Variants in GPC6 observed in about 807,000 individuals in gnomAD.
The protein encoded by GPC6 is glypican-6.
A neutral mutation model predicts 55.2 loss-of-function variants in GPC6; 14 were observed. That is an observed-to-expected ratio of 0.25 (90% CI 0.17 to 0.40). The LOEUF is 0.40. GPC6 is among the 10% of genes least tolerant of loss of function. The pLI, the probability that GPC6 is intolerant of heterozygous loss-of-function variation, is 1.00. For synonymous variants in GPC6, 278 were observed against 259.6 expected (o/e 1.07, Z -0.68); for missense variants, 641 against 708.5 (o/e 0.90, Z 1.08).
At chr13:93,629,043 AAAAAAC>A (rs1337580455) in intron 2 of GPC6, among the ~76,000 whole-genome samples, 1 of 118,332 alleles carries the variant, frequency 8.5e-6, no homozygotes, top group Non-Finnish European at 2.0e-5. Flanking sequence ...CCAGAAAAAA[AAAAAAC>A]AAAAAAAACT....
chr13:93,437,988 G>C (rs1178935372), intron 1 of GPC6, among the ~76,000 whole-genome samples: 1 of 152,032 alleles, frequency 6.6e-6, no homozygotes, highest in African/African-American at 2.4e-5. Context: ...AAAATCCTAG[G>C]GCCATTAAGA....
intron 2 of GPC6, among the ~76,000 whole-genome samples, chr13:93,684,711 T>C (rs1467701180): frequency 6.6e-6 from 1 of 152,138 alleles, no homozygotes; most frequent in Non-Finnish European, 1.5e-5. Context: ...CAGTTGGAAC[T>C]TCTTACATAC....
intron 4 of GPC6, among the ~76,000 whole-genome samples, chr13:94,162,984 G>T (rs1002290865): frequency 2.0e-5 from 3 of 152,052 alleles, no homozygotes; most frequent in African/African-American, 4.8e-5. Flanking sequence ...TTTCTCTCAG[G>T]ATAGAAATAG....
At chr13:93,573,217 A>G (rs1410035922) in intron 2 of GPC6, among the ~76,000 whole-genome samples, 1 of 152,134 alleles carries the variant, frequency 6.6e-6, no homozygotes. Flanking sequence ...GAACACTATA[A>G]ATAGGTAAAT....
intron 1 of GPC6, among the ~76,000 whole-genome samples, chr13:93,332,332 C>T (rs1566303520): frequency 6.6e-6 from 1 of 151,040 alleles, no homozygotes; most frequent in East Asian, 1.9e-4. Flanking sequence ...CATTCCCACG[C>T]AACAGTGTGT....
chr13:93,461,656 G>T (rs541647867), intron 1 of GPC6, among the ~76,000 whole-genome samples: 2 of 107,012 alleles, frequency 1.9e-5, no homozygotes, highest in Non-Finnish European at 4.4e-5. Flanking sequence ...AAGATACTAG[G>T]TCCCGGCGGG....
intron 1 of GPC6, among the ~76,000 whole-genome samples, chr13:93,273,101 C>A (rs1346085240): frequency 1.3e-5 from 2 of 152,172 alleles, no homozygotes; most frequent in Non-Finnish European, 2.9e-5. Flanking sequence ...AATGTGAATA[C>A]ACTGTATGCT....
At chr13:93,844,635 G>A (rs540395416) in intron 3 of GPC6, among the ~76,000 whole-genome samples, 81 of 148,836 alleles carry the variant, frequency 5.4e-4, no homozygotes, top group African/African-American at 1.9e-3. Flanking sequence ...CTGTGCAGAA[G>A]CTCTTTAGTT....
chr13:93,232,495 T>C (rs910008503), intron 1 of GPC6, among the ~76,000 whole-genome samples: 7 of 152,200 alleles, frequency 4.6e-5, no homozygotes, highest in African/African-American at 1.7e-4. Flanking sequence ...TGAGTTATCT[T>C]AGCTGATTTA....
chr13:93,756,778 G>C (rs1884784481), intron 2 of GPC6, among the ~76,000 whole-genome samples: 2 of 152,024 alleles, frequency 1.3e-5, no homozygotes, highest in Non-Finnish European at 2.9e-5. Context: ...CTATACTTGG[G>C]CTTTCAAAGT....
intron 1 of GPC6, among the ~76,000 whole-genome samples, chr13:93,389,194 G>A (rs372984834): frequency 2.1e-4 from 32 of 152,060 alleles, no homozygotes; most frequent in Admixed American, 4.6e-4. Flanking sequence ...AGAAATACTC[G>A]TGACTGAATA....
rs548663734 is a variant in GPC6 at position 93,987,030 on chromosome 13, G to T, written c.712-40699G>T. On this transcript the variant is annotated intron_variant, in intron 3 of 8. Transcript: ENST00000377047. ...TATCATTGTGTCTAGAATGCATGAT[G>T]ACATTTTTACTTTAAGTAATTTTAA... Among the ~76,000 whole-genome samples the T allele has an allele frequency of 4.6e-5, 7 of 152,142 alleles. No homozygotes were observed. The South Asian group carries it at 1.2e-3, about 27-fold the overall frequency.
chr13:94,158,286 G>A (rs140408634), intron 4 of GPC6, among the ~76,000 whole-genome samples: 78 of 151,538 alleles, frequency 5.1e-4, no homozygotes, highest in Non-Finnish European at 1.0e-3. Flanking sequence ...TGTTTCAGAT[G>A]TTACTAGGAA....
intron 1 of GPC6, among the ~76,000 whole-genome samples, chr13:93,361,688 G>T (rs181537440): frequency 1.3e-5 from 2 of 152,228 alleles, no homozygotes; most frequent in African/African-American, 4.8e-5. Flanking sequence ...CTGCTTAAAG[G>T]AGTACTTCCT....
chr13:93,397,145 T>C (rs1875888234), intron 1 of GPC6, among the ~76,000 whole-genome samples: 1 of 152,190 alleles, frequency 6.6e-6, no homozygotes, highest in South Asian at 2.1e-4. Context: ...TCAAATTATA[T>C]AATTATTTTA....
At chr13:93,224,211 T>C (rs1239226495), upstream of GPC6, among the ~76,000 whole-genome samples, 1 of 87,148 alleles carries the variant, frequency 1.1e-5, no homozygotes, top group Non-Finnish European at 2.3e-5. Flanking sequence ...TTTTTTTTTT[T>C]GAGACGGAGT....
intron 3 of GPC6, among the ~76,000 whole-genome samples, chr13:93,950,086 T>C (rs1264974546): frequency 6.6e-6 from 1 of 152,082 alleles, no homozygotes; most frequent in Non-Finnish European, 1.5e-5. Context: ...ATATTAGAGG[T>C]GATGGTGGCA....
intron 1 of GPC6, among the ~76,000 whole-genome samples, chr13:93,376,488 A>G (rs1404528313): frequency 6.6e-6 from 1 of 152,156 alleles, no homozygotes; most frequent in East Asian, 1.9e-4. Context: ...TAGTCAGTGG[A>G]TAGTATCACA....
chr13:93,358,295 G>T (rs1365966629), intron 1 of GPC6, among the ~76,000 whole-genome samples: 1 of 152,054 alleles, frequency 6.6e-6, no homozygotes, highest in Non-Finnish European at 1.5e-5. Flanking sequence ...AGCTATGACT[G>T]CACCACTGTA....
Sources: gnomAD v4.1 joint callset for allele counts (sites outside exome capture counted in the v4.1 genomes callset) on GRCh38, gnomAD v4.1.1 for gene constraint, MANE v1.5 for transcripts, NCBI Gene and HGNC (gene_info 2026-07-23, HGNC 2026-07-21) for gene names.